ZFP69B: variants seen among roughly 807,000 people sequenced by gnomAD.
The protein encoded by ZFP69B is ZFP69 zinc finger protein B, also known as zinc finger protein 69 homolog B.
ZFP69B carries 20 observed loss-of-function variants against 19.7 expected under a neutral mutation model. That is an observed-to-expected ratio of 1.02 (90% CI 0.71 to 1.48). The LOEUF (loss-of-function observed/expected upper bound fraction) is 1.48. Among genes scored for constraint, ZFP69B ranks in the 40% most tolerant of loss-of-function variants. The pLI is 0.00. For missense variants in ZFP69B, 583 were observed against 632.6 expected, an observed-to-expected ratio of 0.92 and a Z score of 0.84; for synonymous variants, 220 against 222.7, an observed-to-expected ratio of 0.99 and a Z score of 0.11.
At chr1:40,451,802 T>G (rs945736233) in intron 1 of ZFP69B, among the ~76,000 whole-genome samples, 1 of 152,126 alleles carries the variant, frequency 6.6e-6, no homozygotes, top group Admixed American at 6.6e-5. Context: ...TTACAGAAAA[T>G]GCGTGCCAAT....
intron 4 of ZFP69B, among the ~76,000 whole-genome samples, chr1:40,460,326 C>T (rs1645270037): frequency 1.3e-5 from 2 of 152,132 alleles, no homozygotes; most frequent in Non-Finnish European, 2.9e-5. Context: ...CAGTAGAATG[C>T]AATGCAGTTG....
chr1:40,459,108 C>T (rs1007684168), intron 4 of ZFP69B, among the ~76,000 whole-genome samples: 1 of 152,140 alleles, frequency 6.6e-6, no homozygotes, highest in African/African-American at 2.4e-5. Flanking sequence ...ATCATCTATT[C>T]GTATGTCCAA....
intron 4 of ZFP69B, among the ~76,000 whole-genome samples, chr1:40,458,939 T>C (rs1274562872): frequency 6.6e-6 from 1 of 152,204 alleles, no homozygotes; most frequent in Non-Finnish European, 1.5e-5. Flanking sequence ...TTAGACAGCA[T>C]AGAATAAGTG....
At position 40,451,084 on chromosome 1, in the gene ZFP69B, A is replaced by G; in HGVS notation, c.123A>G (p.Ala41=). The G allele has an allele frequency of 6.5e-7, 1 of 1,538,584 alleles. No homozygotes were observed. Among genetic ancestry groups the G allele is most frequent in the Non-Finnish European group, 8.8e-7 (1 of 1,140,498 alleles). Residue 41 remains alanine (A), a synonymous_variant, in exon 1 of 5, where the codon GCA becomes GCG. Transcript: ENST00000361584. ...LWEDVTKMFK[A]EALLSQDADE... is the part of the protein sequence containing the mutation. ...AGGATGTGACTAAGATGTTTAAAGCAGAAGGTAAGAATAAACTGATGGGTG... is the reference window on the plus strand; with the variant it reads ...AGGATGTGACTAAGATGTTTAAAGCGGAAGGTAAGAATAAACTGATGGGTG...
At chr1:40,459,123 G>A (rs150978234) in intron 4 of ZFP69B, among the ~76,000 whole-genome samples, 7 of 152,170 alleles carry the variant, frequency 4.6e-5, no homozygotes, top group East Asian at 3.9e-4. Flanking sequence ...GTCCAAAATC[G>A]GGGTGAACAG....
rs146396152 is a variant in ZFP69B at position 40,463,072 on chromosome 1, A to G, written c.1088A>G (p.Tyr363Cys). ...AGAATTCATACCGGGGAAAAGCCCT[A>G]TGAATGTAGGGTATGTGAGAAAGCC... Reference protein sequence around the residue: ...HVRIHTGEKPYECRVCEKAFS... With the variant: ...HVRIHTGEKPCECRVCEKAFS... Residue 363 changes from tyrosine (Y) to cysteine (C), a missense_variant, in exon 5 of 5, where the codon TAT becomes TGT. Tyr to Cys is a radical substitution (Grantham distance 194). Coordinates refer to ENST00000361584, the MANE Select transcript of ZFP69B (RefSeq NM_023070.3). 98 of 1,614,080 alleles carry G rather than the reference A, an allele frequency of 6.1e-5. No homozygotes were observed. Among genetic ancestry groups the G allele is most frequent in the Middle Eastern group, 1.6e-4 (1 of 6,084 alleles).
chr1:40,458,904 A>T (rs1237791686), intron 4 of ZFP69B, among the ~76,000 whole-genome samples: 1 of 152,174 alleles, frequency 6.6e-6, no homozygotes, highest in Non-Finnish European at 1.5e-5. Context: ...TCCTCTATCC[A>T]CTAGGGTTTC....
In ZFP69B at chr1:40,457,450, G is replaced by A; in HGVS notation, c.436+11G>A. ...GAGTTCCAAGTTCAGGTAAGTGCAA[G>A]GCAGGTGGGGCCTTTGTGATGTTAG... On this transcript the variant is annotated intron_variant, in intron 4 of 4. Transcript: ENST00000361584. 6.2e-7 allele frequency: 1 copy of A among 1,611,088 alleles called. No homozygotes were observed. The highest frequency in any genetic ancestry group is 8.5e-7 in the Non-Finnish European group (1 of 1,177,334).
Position 40,462,890 on chromosome 1 carries a change from CG to C in ZFP69B, c.910del (p.Glu304ArgfsTer75). On this transcript the variant is annotated frameshift_variant, in exon 5 of 5. Transcript: ENST00000361584. LOFTEE classifies it low-confidence loss of function (END_TRUNC). ...TTACTGAACACATGAGAATTCATAC[CG>C]GGGAGAAACCTTTCAGATGTAAGGA... Reference protein sequence around the residue: ...HLTEHMRIHTGEKPFRCKECG... With the variant: ...HLTEHMRIHTXEKPFRCKECG... The C allele has an allele frequency of 6.2e-7, 1 of 1,614,058 alleles. No individual in the cohort carries two copies. The highest frequency in any genetic ancestry group is 8.5e-7 in the Non-Finnish European group (1 of 1,180,024).
intron 4 of ZFP69B, among the ~76,000 whole-genome samples, chr1:40,461,145 CA>C (rs576934778): frequency 0.021 from 1,078 of 51,372 alleles, 6 homozygotes; most frequent in African/African-American, 0.051. Context: ...GACCCCATCA[CA>C]AAAAAAAAAA....
rs112490910 is a variant in ZFP69B, at chr1:40,453,046, T to C, written c.128-1157T>C. 2.5e-3 allele frequency among the ~76,000 whole-genome samples: 370 copies of C among 149,614 alleles called. 2 individuals carry two copies. Among genetic ancestry groups the C allele is most frequent in the African/African-American group, 8.7e-3 (354 of 40,710 alleles). On this transcript the variant is annotated intron_variant, in intron 1 of 4. Transcript: ENST00000361584. The stretch of plus-strand genomic sequence containing the variant: ...CTCGATCTTGGCTTATTGCAACCTC[T>C]GCCTCCCGGGTTCAAGTGATTCTCC...
rs980593355 is a variant in ZFP69B at position 40,463,164 on chromosome 1, A to G, written c.1180A>G (p.Lys394Glu). 3.3e-5 allele frequency: 53 copies of G among 1,614,190 alleles called. No individual in the cohort carries two copies. The highest frequency in any genetic ancestry group is 4.4e-5 in the Non-Finnish European group (52 of 1,180,034). The part of the protein sequence containing the change: ...THVREKPFTC[K>E]DCGKAFFQIR... ...TGTTAGAGAGAAACCTTTTACATGCAAAGACTGTGGAAAAGCGTTTTTCCA... is the reference window on the plus strand; with the variant it reads ...TGTTAGAGAGAAACCTTTTACATGCGAAGACTGTGGAAAAGCGTTTTTCCA... The change falls in exon 5 of 5, where the codon AAA (lysine) becomes GAA (glutamate). Residue 394 changes from lysine (K) to glutamate (E), a missense_variant. Transcript: ENST00000361584.
chr1:40,453,769 G>T (rs1025822819), intron 1 of ZFP69B, among the ~76,000 whole-genome samples: 6 of 152,198 alleles, frequency 3.9e-5, no homozygotes, highest in African/African-American at 1.2e-4. Context: ...CTACTCGGGA[G>T]GCTGAGGCAC....
chr1:40,461,771 G>A (rs1379734450), intron 4 of ZFP69B, among the ~76,000 whole-genome samples: 3 of 152,004 alleles, frequency 2.0e-5, no homozygotes, highest in African/African-American at 7.2e-5. Context: ...CTCCAGTCTG[G>A]GTGACAGAGT....
rs1397521513 is a variant in ZFP69B, at chr1:40,451,026, C to T, written c.65C>T (p.Pro22Leu). The T allele has an allele frequency of 1.3e-6, 2 of 1,550,068 alleles. No homozygotes were observed. Among genetic ancestry groups the T allele is most frequent in the Non-Finnish European group, 1.7e-6 (2 of 1,146,356 alleles). ...EASTWVKLRHPKAATERVALW... is the reference protein window; with the variant it reads ...EASTWVKLRHLKAATERVALW... ...AGCACCTGGGTGAAGTTGCGTCATC[C>T]AAAGGCGGCCACGGAGCGGGTGGCC... Residue 22 changes from proline to leucine, a missense_variant, in exon 1 of 5, where the codon CCA becomes CTA. By Grantham distance (98) the Pro-to-Leu change is moderately conservative. Transcript: ENST00000361584.
Position 40,462,550 on chromosome 1 carries a change from T to A in ZFP69B, c.566T>A (p.Ile189Asn). The A allele has an allele frequency of 5.6e-6, 9 of 1,614,064 alleles. No individual in the cohort carries two copies. Among genetic ancestry groups the A allele is most frequent in the Non-Finnish European group, 6.8e-6 (8 of 1,180,016 alleles). The change falls in exon 5 of 5, where the codon ATC becomes AAC. Residue 189 changes from isoleucine to asparagine, a missense_variant. Physicochemically the swap from Ile to Asn is moderately radical, Grantham distance 149 (BLOSUM62 -3). Coordinates refer to ENST00000361584, the MANE Select transcript of ZFP69B (RefSeq NM_023070.3). ...GSSMYSTLGR[I>N]SKCNKLESQQ... is the part of the protein sequence containing the mutation. ...AGCATGTATTCCACCTTGGGAAGAA[T>A]CTCCAAATGTAATAAGCTAGAAAGC...
intron 1 of ZFP69B, among the ~76,000 whole-genome samples, chr1:40,451,918 A>G (rs1245895806): frequency 6.6e-6 from 1 of 152,040 alleles, no homozygotes; most frequent in Non-Finnish European, 1.5e-5. Flanking sequence ...TGAGGTCAGC[A>G]GTTTGAGACC....
intron 1 of ZFP69B, 120 bp downstream of exon 1, chr1:40,451,208 T>A: frequency 7.9e-7 from 1 of 1,268,648 alleles, no homozygotes; most frequent in South Asian, 2.0e-5. Context: ...TTTCCGGAGT[T>A]GTTGATTGTG....
At position 40,463,378 on chromosome 1, in the gene ZFP69B, A is replaced by G; in HGVS notation, c.1394A>G (p.His465Arg). The change falls in exon 5 of 5, where the codon CAT becomes CGT. Residue 465 changes from histidine to arginine, a missense_variant. Coordinates refer to ENST00000361584, the MANE Select transcript of ZFP69B (RefSeq NM_023070.3). ...AFSQRIHLSI[H>R]QRVHTGVKPY... ...AGCCAGAGAATACATCTTTCTATCC[A>G]TCAGAGAGTCCATACTGGAGTAAAA... 4 of 1,614,092 alleles carry G rather than the reference A, an allele frequency of 2.5e-6. No individual in the cohort carries two copies. The highest frequency in any genetic ancestry group is 8.5e-7 in the Non-Finnish European group (1 of 1,179,958).
Sources: allele counts gnomAD v4.1 joint callset (sites outside exome capture counted in the v4.1 genomes callset), GRCh38; gene constraint gnomAD v4.1.1; transcripts MANE v1.5; gene names NCBI Gene and HGNC (gene_info 2026-07-23, HGNC 2026-07-21).